The following CNTN1 variants were observed in gnomAD, a reference collection of about 807,000 sequenced individuals.
The protein encoded by CNTN1 is contactin 1, also known as contactin-1.
A neutral mutation model predicts 126.4 loss-of-function variants in CNTN1; 38 were observed. The observed-to-expected ratio is 0.30, with a 90% CI of 0.23 to 0.39. The LOEUF is 0.39. CNTN1 is among the 10% of genes least tolerant of loss of function. The pLI, the probability that CNTN1 is intolerant of heterozygous loss-of-function variation, is 1.00. For synonymous variants in CNTN1, 413 were observed against 422.6 expected (o/e 0.98, Z 0.28); for missense variants, 1,009 against 1,248.4 (o/e 0.81, Z 2.89).
intron 23 of CNTN1, among the ~76,000 whole-genome samples, chr12:41,041,687 T>C (rs573591056): frequency 1.2e-4 from 19 of 152,206 alleles, no homozygotes; most frequent in Non-Finnish European, 2.6e-4. Context: ...TTCTAGATTT[T>C]CTAGTTTATT....
At chr12:40,947,782 T>TACACACACACAC (rs56852774) in intron 14 of CNTN1, among the ~76,000 whole-genome samples, 1 of 118,920 alleles carries the variant, frequency 8.4e-6, no homozygotes, top group Non-Finnish European at 1.8e-5. Context: ...TATATATATA[T>TACACACACACAC]ACACACACAC....
chr12:40,712,452 G>A (rs1305578062), intron 1 of CNTN1, among the ~76,000 whole-genome samples: 1 of 151,992 alleles, frequency 6.6e-6, no homozygotes, highest in Non-Finnish European at 1.5e-5. Context: ...TTAAAGACTA[G>A]TGTGATAGTA....
At chr12:40,972,125 G>T in intron 15 of CNTN1, 1 of 985,466 alleles carries the variant, frequency 1.0e-6, no homozygotes, top group Non-Finnish European at 1.2e-6. Context: ...AAAATGGATA[G>T]CATGTGGGGG....
At position 41,014,375 on chromosome 12, in the gene CNTN1, T is replaced by C. The variant is rs1489379379; in HGVS notation, c.2184+77T>C. 5.5e-6 allele frequency: 8 copies of C among 1,442,374 alleles called. No individual in the cohort carries two copies. The East Asian group carries it at 1.6e-4, about 30-fold the overall frequency. 89.3% of individuals were successfully genotyped at this position (1,442,374 alleles called of 1,614,324 possible). On this transcript the variant is annotated intron_variant, in intron 18 of 23. Transcript: ENST00000551295. ...TTCCACCCCATTTTGTTTCCTGAAA[T>C]AAATTGAGATGAAAGTGACTGCCTA... is the stretch of plus-strand genomic sequence containing the variant.
intron 1 of CNTN1, among the ~76,000 whole-genome samples, chr12:40,873,246 A>G (rs922914731): frequency 1.2e-4 from 19 of 152,212 alleles, no homozygotes; most frequent in African/African-American, 4.3e-4. Context: ...CTTTTTACAC[A>G]CAAATTGCAA....
intron 1 of CNTN1, among the ~76,000 whole-genome samples, chr12:40,769,571 A>G (rs1317660099): frequency 6.6e-6 from 1 of 152,198 alleles, no homozygotes; most frequent in Non-Finnish European, 1.5e-5. Flanking sequence ...GTAAGAGGAA[A>G]CAACCAGCAA....
At chr12:40,729,393 G>A (rs763610158) in intron 1 of CNTN1, 5 of 153,532 alleles carry the variant, frequency 3.3e-5, no homozygotes, top group Middle Eastern at 3.0e-3. Context: ...TTGGAAGAAG[G>A]TGATATTGTT....
chr12:40,970,433 G>C (rs1024276118), intron 15 of CNTN1, among the ~76,000 whole-genome samples: 26 of 151,522 alleles, frequency 1.7e-4, no homozygotes, highest in African/African-American at 5.6e-4. Flanking sequence ...ACTATTTACC[G>C]TAAGGACTGA....
rs1309333269 is a variant in CNTN1, at chr12:40,729,587, C to G, written c.-77+36995C>G. 1.3e-5 allele frequency: 3 copies of G among 230,216 alleles called. No individual in the cohort carries two copies. The East Asian group carries it at 3.3e-4, about 25-fold the overall frequency. The allele number at this position is 230,216 out of a possible 1,614,324, so 14.3% of individuals were successfully genotyped here. A position where few individuals can be genotyped will look rare whatever the true frequency, so the allele number is the denominator to read the frequency against. ...AGAATTGGGAAACATATTTCAGAAGCCTGCCCAAGCAAATGAATTTTCAGT... is the reference window on the plus strand; with the variant it reads ...AGAATTGGGAAACATATTTCAGAAGGCTGCCCAAGCAAATGAATTTTCAGT... On this transcript the variant is annotated intron_variant, in intron 1 of 23. Coordinates refer to ENST00000551295, the MANE Select transcript of CNTN1 (RefSeq NM_001843.4).
At chr12:41,029,422 GATT>G (rs1481430208) in intron 23 of CNTN1, among the ~76,000 whole-genome samples, 30 of 152,110 alleles carry the variant, frequency 2.0e-4, no homozygotes, top group Admixed American at 1.9e-3. Context: ...CATACTTCTT[GATT>G]ATTATCTGGA....
chr12:40,818,326 T>G (rs1277384526), intron 1 of CNTN1, among the ~76,000 whole-genome samples: 3 of 152,190 alleles, frequency 2.0e-5, no homozygotes, highest in Non-Finnish European at 2.9e-5. Flanking sequence ...GTTCAGTTTT[T>G]TTATGAAGTT....
chr12:40,773,665 A>ATATATG, intron 1 of CNTN1, among the ~76,000 whole-genome samples: 1 of 8,986 alleles, frequency 1.1e-4, no homozygotes, highest in African/African-American at 2.1e-4. Flanking sequence ...ACACATATAT[A>ATATATG]TATATATACA....
chr12:40,764,459 A>G (rs1251234697), intron 1 of CNTN1, among the ~76,000 whole-genome samples: 2 of 152,184 alleles, frequency 1.3e-5, no homozygotes, highest in Non-Finnish European at 2.9e-5. Context: ...ATTGTTTTTT[A>G]TTGATGTTAG....
intron 23 of CNTN1, among the ~76,000 whole-genome samples, chr12:41,052,405 T>C (rs545842320): frequency 1.3e-5 from 2 of 152,224 alleles, no homozygotes; most frequent in African/African-American, 2.4e-5. Flanking sequence ...TGAATATATA[T>C]GCAGTGGCTT....
chr12:40,786,316 C>A (rs1940016219), intron 1 of CNTN1, among the ~76,000 whole-genome samples: 1 of 152,146 alleles, frequency 6.6e-6, no homozygotes, highest in South Asian at 2.1e-4. Flanking sequence ...AAGCCAGCAA[C>A]AGCTGATTAA....
At chr12:41,026,046 C>T (rs1002340824) in intron 21 of CNTN1, among the ~76,000 whole-genome samples, 1 of 152,162 alleles carries the variant, frequency 6.6e-6, no homozygotes, top group African/African-American at 2.4e-5. Flanking sequence ...AATGTAGTGA[C>T]AAGAACTAGA....
intron 1 of CNTN1, among the ~76,000 whole-genome samples, chr12:40,765,696 C>G (rs1000095474): frequency 1.2e-4 from 19 of 152,080 alleles, no homozygotes; most frequent in African/African-American, 4.6e-4. Context: ...CTTTGATGAC[C>G]TTGACAAGAA....
chr12:40,810,187 A>T (rs1941005784), intron 1 of CNTN1, among the ~76,000 whole-genome samples: 1 of 152,188 alleles, frequency 6.6e-6, no homozygotes, highest in South Asian at 2.1e-4. Flanking sequence ...TTATTCATTC[A>T]TGCATTCCTA....
intron 1 of CNTN1, among the ~76,000 whole-genome samples, chr12:40,737,355 G>GTATATA (rs1482206649): frequency 1.7e-4 from 3 of 17,360 alleles, no homozygotes; most frequent in African/African-American, 2.4e-4. Flanking sequence ...ATATATGTGT[G>GTATATA]TGTGTATATA....
Sources: gnomAD v4.1 joint callset for allele counts (sites outside exome capture counted in the v4.1 genomes callset) on GRCh38, gnomAD v4.1.1 for gene constraint, MANE v1.5 for transcripts, NCBI Gene and HGNC (gene_info 2026-07-23, HGNC 2026-07-21) for gene names.